The following LRRTM4 variants were observed in gnomAD, a reference collection of about 807,000 sequenced individuals.
LRRTM4 encodes leucine rich repeat transmembrane neuronal 4.
A neutral mutation model predicts 47.6 loss-of-function variants in LRRTM4; 25 were observed. The observed-to-expected ratio is 0.53, with a 90% CI of 0.38 to 0.73. The LOEUF (loss-of-function observed/expected upper bound fraction) is 0.73. Ranked by LOEUF, LRRTM4 falls within the 30% of genes least tolerant of loss-of-function variation. The probability of loss-of-function intolerance (pLI) is 0.00; values close to 1 mark genes in which losing one functional copy is unlikely to be tolerated. For missense variants in LRRTM4, 638 were observed against 713.4 expected (o/e 0.89, Z 1.20); for synonymous variants, 311 against 269.5 (o/e 1.15, Z -1.51).
At chr2:77,078,258 G>T (rs994731271) in intron 3 of LRRTM4, among the ~76,000 whole-genome samples, 3 of 151,978 alleles carry the variant, frequency 2.0e-5, no homozygotes, top group Non-Finnish European at 4.4e-5. Context: ...TGTTGAATTT[G>T]TTCTAAGTGT....
intron 3 of LRRTM4, among the ~76,000 whole-genome samples, chr2:76,771,196 T>C (rs1168165164): frequency 6.6e-6 from 1 of 152,146 alleles, no homozygotes; most frequent in Non-Finnish European, 1.5e-5. Context: ...TCACTTTCAA[T>C]TCAAAGAAAT....
At chr2:77,069,703 G>A (rs78550133) in intron 3 of LRRTM4, among the ~76,000 whole-genome samples, 23 of 150,562 alleles carry the variant, frequency 1.5e-4, no homozygotes, top group African/African-American at 4.6e-4. Context: ...AGCCAGCCAC[G>A]AGAGCACAGG....
At chr2:76,911,175 G>T (rs1674041830) in intron 3 of LRRTM4, among the ~76,000 whole-genome samples, 2 of 152,286 alleles carry the variant, frequency 1.3e-5, no homozygotes, top group South Asian at 4.1e-4. Flanking sequence ...ATGGAATAAG[G>T]GTCAGGCAGG....
intron 3 of LRRTM4, among the ~76,000 whole-genome samples, chr2:76,854,432 T>A (rs140413090): frequency 1.3e-5 from 2 of 152,038 alleles, no homozygotes; most frequent in Non-Finnish European, 2.9e-5. Flanking sequence ...AGAAGTAACA[T>A]GCACAATGAC....
chr2:77,164,972 A>G (rs1329750943), intron 3 of LRRTM4, among the ~76,000 whole-genome samples: 2 of 152,328 alleles, frequency 1.3e-5, no homozygotes, highest in South Asian at 4.1e-4. Flanking sequence ...TTAGAGCAGA[A>G]CTGAAGGAGA....
intron 3 of LRRTM4, among the ~76,000 whole-genome samples, chr2:77,450,028 G>A (rs1676196797): frequency 6.6e-6 from 1 of 152,218 alleles, no homozygotes; most frequent in East Asian, 1.9e-4. Context: ...GGCTTATTTA[G>A]TGTTGTATTC....
At chr2:77,376,243 C>CA (rs958950985) in intron 3 of LRRTM4, among the ~76,000 whole-genome samples, 24 of 150,502 alleles carry the variant, frequency 1.6e-4, no homozygotes, top group Middle Eastern at 3.2e-3. Context: ...TTTGGATTTA[C>CA]AAAAAAAAAT....
At chr2:77,011,396 A>C (rs1035090104) in intron 3 of LRRTM4, among the ~76,000 whole-genome samples, 1 of 151,868 alleles carries the variant, frequency 6.6e-6, no homozygotes, top group African/African-American at 2.4e-5. Flanking sequence ...TGGGATAGGG[A>C]CTTATTATTG....
Position 77,360,089 on chromosome 2 carries a change from AT to A in LRRTM4, c.1551+158228del, listed in dbSNP as rs1303681903. ...GATAAGTATATGATAACTCATACCA[AT>A]TTTATCTTAAACTGTAATGATTGTA... On this transcript the variant is annotated intron_variant, in intron 3 of 3. Coordinates refer to ENST00000409884, the MANE Select transcript of LRRTM4 (RefSeq NM_001134745.3). Among the ~76,000 whole-genome samples the A allele has an allele frequency of 2.0e-5, 3 of 152,114 alleles. No homozygotes were observed. In the East Asian group the frequency reaches 5.8e-4, roughly 29 times the overall value.
intron 3 of LRRTM4, among the ~76,000 whole-genome samples, chr2:77,046,858 T>TATAA (rs1451050562): frequency 6.6e-6 from 1 of 152,006 alleles, no homozygotes; most frequent in African/African-American, 2.4e-5. Context: ...TCACAATGCA[T>TATAA]TTATCATCAA....
intron 3 of LRRTM4, among the ~76,000 whole-genome samples, chr2:77,188,751 G>T (rs1398315816): frequency 6.6e-6 from 1 of 152,108 alleles, no homozygotes. Context: ...TGGCAATACT[G>T]GTCTGCTCTG....
At chr2:77,503,221 T>G (rs1428718589) in intron 3 of LRRTM4, among the ~76,000 whole-genome samples, 1 of 151,534 alleles carries the variant, frequency 6.6e-6, no homozygotes, top group African/African-American at 2.4e-5. Flanking sequence ...GGAGACTAAA[T>G]AGGACAAAAA....
chr2:77,192,258 T>G (rs1168499499), intron 3 of LRRTM4, among the ~76,000 whole-genome samples: 1 of 152,130 alleles, frequency 6.6e-6, no homozygotes, highest in African/African-American at 2.4e-5. Flanking sequence ...CTACATTGTT[T>G]GAATCAAGAT....
chr2:77,049,122 T>TATATATATATATACATATATA lies in LRRTM4; in HGVS notation c.1552-300207_1552-300206insTATATATGTATATATATATAT, dbSNP rs34587249. ...TTTTGACTAAATAATATTTCATTTT[T>TATATATATATATACATATATA]TATATATATATATATATATATATAT... On this transcript the variant is annotated intron_variant, in intron 3 of 3. Coordinates refer to ENST00000409884, the MANE Select transcript of LRRTM4 (RefSeq NM_001134745.3). Among the ~76,000 whole-genome samples, 12 of 62,680 alleles carry TATATATATATATACATATATA rather than the reference T, an allele frequency of 1.9e-4. 1 individual carries two copies. The highest frequency in any genetic ancestry group is 7.2e-4 in the Admixed American group (4 of 5,528). 41.1% of individuals were successfully genotyped at this position (62,680 alleles called of 152,430 possible). A position where few individuals can be genotyped will look rare whatever the true frequency, so the allele number is the denominator to read the frequency against.
chr2:76,819,352 C>T (rs1277678095), intron 3 of LRRTM4, among the ~76,000 whole-genome samples: 5 of 151,714 alleles, frequency 3.3e-5, no homozygotes, highest in African/African-American at 1.2e-4. Context: ...AAATAGTACG[C>T]ATACTTCCCA....
At chr2:77,305,249 A>G (rs1191480201) in intron 3 of LRRTM4, among the ~76,000 whole-genome samples, 1 of 151,962 alleles carries the variant, frequency 6.6e-6, no homozygotes, top group Non-Finnish European at 1.5e-5. Flanking sequence ...AATTTTTCCA[A>G]TTTCTTATAT....
At chr2:76,910,883 G>A (rs78880422) in intron 3 of LRRTM4, among the ~76,000 whole-genome samples, 6,801 of 152,140 alleles carry the variant, frequency 0.045, 335 homozygotes, top group East Asian at 0.13. Context: ...TGCATTCTGC[G>A]TCTGTACTAA....
chr2:76,812,069 T>C (rs931273214), intron 3 of LRRTM4, among the ~76,000 whole-genome samples: 7 of 152,194 alleles, frequency 4.6e-5, no homozygotes, highest in Admixed American at 2.0e-4. Flanking sequence ...AAATAACTTA[T>C]ACTCCTTTTG....
In LRRTM4 at chr2:77,083,783, C is replaced by CTTTTTTTTTTTTTTTTTTT. The variant is rs386390525; in HGVS notation, c.1552-334886_1552-334868dup. Among the ~76,000 whole-genome samples, 16 of 52,404 alleles carry CTTTTTTTTTTTTTTTTTTT rather than the reference C, an allele frequency of 3.1e-4. 4 individuals are homozygous for CTTTTTTTTTTTTTTTTTTT. Among genetic ancestry groups the CTTTTTTTTTTTTTTTTTTT allele is most frequent in the Non-Finnish European group, 5.1e-4 (12 of 23,550 alleles). 34.4% of individuals were successfully genotyped at this position (52,404 alleles called of 152,430 possible). On this transcript the variant is annotated intron_variant, in intron 3 of 3. Transcript: ENST00000409884. ...ACTTCTCAATTTTTAACTGGACACA[C>CTTTTTTTTTTTTTTTTTTT]TTTTTTTTTTTTTTTTTTTTTTTTT...
Sources: gnomAD v4.1 joint callset for allele counts (sites outside exome capture counted in the v4.1 genomes callset) on GRCh38, gnomAD v4.1.1 for gene constraint, MANE v1.5 for transcripts, NCBI Gene and HGNC (gene_info 2026-07-23, HGNC 2026-07-21) for gene names.